TPRG1: variants seen among roughly 807,000 people sequenced by gnomAD.
TPRG1 encodes the protein tumor protein p63 regulated 1.
TPRG1 carries 29 observed loss-of-function variants against 29.3 expected under a neutral mutation model. The ratio of observed to expected loss-of-function variants is 0.99; its 90% confidence interval spans 0.74 to 1.35. The LOEUF (loss-of-function observed/expected upper bound fraction) is 1.35. TPRG1 is among the 40% of genes most tolerant of loss of function. The pLI is 0.00. For synonymous variants in TPRG1, 130 were observed against 116.8 expected (o/e 1.11, Z -0.73); for missense variants, 327 against 335.0 (o/e 0.98, Z 0.19).
At chr3:188,998,956 A>G (rs537804095) in intron 1 of TPRG1, among the ~76,000 whole-genome samples, 3 of 152,368 alleles carry the variant, frequency 2.0e-5, no homozygotes, top group Admixed American at 1.3e-4. Context: ...AAGTAGCCAG[A>G]AGGGAATATT....
intron 4 of TPRG1, among the ~76,000 whole-genome samples, chr3:189,272,570 G>A (rs1202724430): frequency 6.6e-6 from 1 of 150,974 alleles, no homozygotes; most frequent in Non-Finnish European, 1.5e-5. Context: ...AGATTAAGCT[G>A]ACTTCCCAAC....
chr3:189,074,589 G>A (rs893562694), intron 4 of TPRG1, among the ~76,000 whole-genome samples: 39 of 151,934 alleles, frequency 2.6e-4, no homozygotes, highest in Admixed American at 2.6e-4. Context: ...TATTCTCTAT[G>A]CTTCTTAATC....
intron 4 of TPRG1, among the ~76,000 whole-genome samples, chr3:189,276,758 G>A (rs1253323963): frequency 3.3e-5 from 5 of 152,270 alleles, no homozygotes; most frequent in African/African-American, 1.2e-4. Flanking sequence ...GATTATTTAT[G>A]ATGACAGGTT....
At chr3:189,302,593 C>T (rs1181952646) in intron 4 of TPRG1, among the ~76,000 whole-genome samples, 1 of 152,142 alleles carries the variant, frequency 6.6e-6, no homozygotes, top group East Asian at 1.9e-4. Context: ...CACTTTTAAT[C>T]CTAGGATGAC....
chr3:189,140,504 C>A (rs1334518148), intron 3 of TPRG1, among the ~76,000 whole-genome samples: 1 of 152,162 alleles, frequency 6.6e-6, no homozygotes, highest in East Asian at 1.9e-4. Flanking sequence ...CCTCACCAAC[C>A]CTATTCCCAA....
intron 4 of TPRG1, among the ~76,000 whole-genome samples, chr3:189,071,735 C>T (rs1459965645): frequency 6.6e-6 from 1 of 152,150 alleles, no homozygotes; most frequent in African/African-American, 2.4e-5. Flanking sequence ...TTACTGCCAA[C>T]GATTAATGAG....
chr3:189,214,538 C>T (rs775730755), intron 2 of TPRG1, among the ~76,000 whole-genome samples: 2 of 152,084 alleles, frequency 1.3e-5, no homozygotes, highest in East Asian at 1.9e-4. Context: ...CCTTCTCTGT[C>T]GAAGTACATT....
chr3:189,089,609 C>T (rs1181079039), intron 4 of TPRG1, among the ~76,000 whole-genome samples: 1 of 152,082 alleles, frequency 6.6e-6, no homozygotes, highest in Non-Finnish European at 1.5e-5. Context: ...TCTGCAGAGT[C>T]CCAAGGCTAT....
At chr3:189,008,027 C>T (rs1712391731) in intron 3 of TPRG1, among the ~76,000 whole-genome samples, 1 of 148,596 alleles carries the variant, frequency 6.7e-6, no homozygotes, top group Non-Finnish European at 1.5e-5. Context: ...TGCACATGTA[C>T]CCTAAAACCT....
At chr3:189,166,409 C>T (rs914628899) in intron 5 of TPRG1, among the ~76,000 whole-genome samples, 6 of 152,194 alleles carry the variant, frequency 3.9e-5, no homozygotes, top group Non-Finnish European at 8.8e-5. Context: ...TACTTAGTAG[C>T]ATAGAATGAC....
chr3:189,320,948 T>A lies in TPRG1; in HGVS notation c.*128T>A. On this transcript the variant is annotated 3_prime_UTR_variant, in exon 6 of 6. Transcript: ENST00000345063. The stretch of plus-strand genomic sequence containing the variant: ...AATGACGCTTTATGATTTAGAAATT[T>A]AGTATTTCCGAAAATTTAAAAGCTT... The A allele has an allele frequency of 1.1e-6, 1 of 922,212 alleles. No homozygotes were observed. The highest frequency in any genetic ancestry group is 1.5e-6 in the Non-Finnish European group (1 of 648,938). The allele number at this position is 922,212 out of a possible 1,614,324, so 57.1% of individuals were successfully genotyped here. A position where few individuals can be genotyped will look rare whatever the true frequency, so the allele number is the denominator to read the frequency against.
chr3:189,055,726 C>T (rs1324500664), intron 4 of TPRG1, among the ~76,000 whole-genome samples: 1 of 152,070 alleles, frequency 6.6e-6, no homozygotes, highest in Admixed American at 6.5e-5. Flanking sequence ...GAGTAAAATT[C>T]CACCCAAAGC....
At chr3:189,143,651 C>T (rs1724868026) in intron 3 of TPRG1, among the ~76,000 whole-genome samples, 1 of 152,208 alleles carries the variant, frequency 6.6e-6, no homozygotes, top group Non-Finnish European at 1.5e-5. Flanking sequence ...TCATCCTAGA[C>T]ACCTCTTTGT....
At chr3:189,235,234 T>TC (rs1560587351) in intron 3 of TPRG1, among the ~76,000 whole-genome samples, 1 of 148,474 alleles carries the variant, frequency 6.7e-6, no homozygotes, top group Admixed American at 6.7e-5. Flanking sequence ...TTTTTTTTTT[T>TC]CCAAAGGATC....
intron 4 of TPRG1, among the ~76,000 whole-genome samples, chr3:189,036,161 A>G (rs1024079490): frequency 7.9e-5 from 12 of 152,296 alleles, no homozygotes; most frequent in African/African-American, 2.9e-4. Context: ...TAATGAAGGA[A>G]CAGAAAAACA....
At chr3:189,110,786 A>T (rs1326615274) in intron 1 of TPRG1, among the ~76,000 whole-genome samples, 2 of 151,968 alleles carry the variant, frequency 1.3e-5, no homozygotes, top group African/African-American at 4.8e-5. Context: ...GCAAATGGGC[A>T]TTCATTGTTC....
At chr3:189,249,161 T>C (rs1236795227) in intron 4 of TPRG1, among the ~76,000 whole-genome samples, 1 of 151,694 alleles carries the variant, frequency 6.6e-6, no homozygotes, top group African/African-American at 2.4e-5. Context: ...TATATACATG[T>C]AATGTTTATA....
At chr3:189,120,799 T>C (rs1474590093) in intron 1 of TPRG1, among the ~76,000 whole-genome samples, 1 of 152,228 alleles carries the variant, frequency 6.6e-6, no homozygotes, top group Non-Finnish European at 1.5e-5. Context: ...TAAACCTCGA[T>C]ATAGGTCAAT....
rs534186004 is a variant in TPRG1, at chr3:189,040,574, A to G, written c.-463+16628A>G. 3.9e-5 allele frequency among the ~76,000 whole-genome samples: 6 copies of G among 152,030 alleles called. No individual in the cohort carries two copies. In the South Asian group the frequency reaches 8.4e-4, roughly 21 times the overall value. On this transcript the variant is annotated intron_variant, in intron 4 of 10. Coordinates refer to the TPRG1 transcript ENST00000433971. ...CTTGGCATCTCTCAGTGGGAGCACA[A>G]TGCCATTCTGTCCACCATTAAGAGT... is the stretch of plus-strand genomic sequence containing the variant.
Sources: allele counts gnomAD v4.1 joint callset (sites outside exome capture counted in the v4.1 genomes callset), GRCh38; gene constraint gnomAD v4.1.1; transcripts MANE v1.5; gene names NCBI Gene and HGNC (gene_info 2026-07-23, HGNC 2026-07-21).